The following RGL1 variants were observed in gnomAD, a reference collection of about 807,000 sequenced individuals.
The protein encoded by RGL1 is ral guanine nucleotide dissociation stimulator-like 1.
In RGL1, 24 loss-of-function variants were observed where a neutral mutation model predicts 95.2. That is an observed-to-expected ratio of 0.25 (90% CI 0.18 to 0.35). RGL1 has a LOEUF of 0.35. Among genes scored for constraint, RGL1 ranks in the 10% least tolerant of loss-of-function variants. The pLI is 1.00. For missense variants in RGL1, 715 were observed against 936.3 expected (o/e 0.76, Z 3.08); for synonymous variants, 329 against 344.9 (o/e 0.95, Z 0.51).
At chr1:183,700,624 C>A (rs928429482) in intron 1 of RGL1, among the ~76,000 whole-genome samples, 4 of 151,036 alleles carry the variant, frequency 2.6e-5, no homozygotes, top group African/African-American at 9.8e-5. Flanking sequence ...CGGCTCACTG[C>A]AACCTCTGCC....
At chr1:183,886,753 C>T (rs1254920800) in intron 7 of RGL1, among the ~76,000 whole-genome samples, 1 of 151,644 alleles carries the variant, frequency 6.6e-6, no homozygotes, top group Non-Finnish European at 1.5e-5. Flanking sequence ...GGTTTGCTAC[C>T]AAGATTTATT....
chr1:183,636,179 G>C (rs549361951), exon 1 of RGL1: 2 of 399,824 alleles, frequency 5.0e-6, no homozygotes, highest in East Asian at 7.1e-5. Flanking sequence ...ACCTATCATC[G>C]GGGTCCTGCG....
intron 2 of RGL1, among the ~76,000 whole-genome samples, chr1:183,839,733 G>C (rs6703422): frequency 0.093 from 14,190 of 152,158 alleles, 714 homozygotes; most frequent in African/African-American, 0.12. Flanking sequence ...CCATAATCAG[G>C]TAGTCTCCTG....
chr1:183,871,554 T>C (rs1666185040), intron 4 of RGL1, among the ~76,000 whole-genome samples: 1 of 152,200 alleles, frequency 6.6e-6, no homozygotes, highest in African/African-American at 2.4e-5. Context: ...ATTGTTTGTT[T>C]TCCCGTTTTA....
chr1:183,810,826 C>T (rs552790383), intron 2 of RGL1, among the ~76,000 whole-genome samples: 3 of 152,192 alleles, frequency 2.0e-5, no homozygotes, highest in Admixed American at 6.5e-5. Flanking sequence ...CTCTAATCCC[C>T]CAGCTCTGGA....
intron 4 of RGL1, among the ~76,000 whole-genome samples, chr1:183,878,445 G>C (rs1453632859): frequency 6.6e-6 from 1 of 151,810 alleles, no homozygotes; most frequent in East Asian, 1.9e-4. Context: ...CAATAATCCT[G>C]TCTCAGCCTC....
At chr1:183,877,734 T>G (rs182963363) in intron 4 of RGL1, among the ~76,000 whole-genome samples, 60 of 152,352 alleles carry the variant, frequency 3.9e-4, no homozygotes, top group Non-Finnish European at 5.0e-4. Context: ...TTTCAAAGCC[T>G]TCTTAGGCTA....
intron 2 of RGL1, among the ~76,000 whole-genome samples, chr1:183,820,062 C>T (rs2102454077): frequency 6.6e-6 from 1 of 152,228 alleles, no homozygotes; most frequent in East Asian, 1.9e-4. Context: ...GCTGGGATTA[C>T]AGGCGTGAGC....
intron 1 of RGL1, among the ~76,000 whole-genome samples, chr1:183,674,434 T>C (rs756525426): frequency 6.6e-6 from 1 of 152,202 alleles, no homozygotes; most frequent in Non-Finnish European, 1.5e-5. Context: ...GTGTATCAAA[T>C]AAAACCAGCT....
chr1:183,650,585 T>G (rs1398412093), intron 1 of RGL1, among the ~76,000 whole-genome samples: 2 of 152,102 alleles, frequency 1.3e-5, no homozygotes, highest in Non-Finnish European at 2.9e-5. Flanking sequence ...CTAATTAGTT[T>G]TTTATTATGT....
At chr1:183,919,882 G>A (rs998930472) in intron 16 of RGL1, among the ~76,000 whole-genome samples, 1 of 152,212 alleles carries the variant, frequency 6.6e-6, no homozygotes, top group Admixed American at 6.5e-5. Flanking sequence ...ATTTGAAATG[G>A]GAATACTCCA....
intron 2 of RGL1, among the ~76,000 whole-genome samples, chr1:183,820,130 T>G (rs964368408): frequency 6.6e-6 from 1 of 152,156 alleles, no homozygotes; most frequent in African/African-American, 2.4e-5. Flanking sequence ...AAGAAAATCA[T>G]CTATAATTCT....
chr1:183,810,184 G>T (rs1661612260), intron 2 of RGL1, among the ~76,000 whole-genome samples: 1 of 152,208 alleles, frequency 6.6e-6, no homozygotes, highest in Non-Finnish European at 1.5e-5. Context: ...AACTGTTTGG[G>T]AAGGGCTTTG....
intron 13 of RGL1, 128 bp from the exon 14 acceptor site, chr1:183,906,884 C>A (rs1056612581): frequency 6.1e-6 from 4 of 660,660 alleles, no homozygotes; most frequent in Admixed American, 4.5e-5. Context: ...GATAGGACAA[C>A]GTTTGTATAT....
At chr1:183,848,162 G>A (rs1211141114) in intron 3 of RGL1, among the ~76,000 whole-genome samples, 3 of 152,164 alleles carry the variant, frequency 2.0e-5, no homozygotes, top group South Asian at 4.1e-4. Flanking sequence ...TGTGTGAAGT[G>A]TGGAGCTCAT....
intron 2 of RGL1, among the ~76,000 whole-genome samples, chr1:183,795,979 TGTAGTA>T (rs1374947772): frequency 6.6e-6 from 1 of 152,036 alleles, no homozygotes; most frequent in Non-Finnish European, 1.5e-5. Context: ...TGACCTAACA[TGTAGTA>T]GTAACAGATA....
chr1:183,903,750 A>G (rs1320209169), intron 12 of RGL1, among the ~76,000 whole-genome samples: 1 of 152,224 alleles, frequency 6.6e-6, no homozygotes, highest in Non-Finnish European at 1.5e-5. Flanking sequence ...AGGGCCAGAG[A>G]AACTTCCAGG....
chr1:183,759,106 C>T (rs768940757), intron 2 of RGL1, among the ~76,000 whole-genome samples: 14 of 152,180 alleles, frequency 9.2e-5, no homozygotes, highest in Middle Eastern at 3.4e-3. Flanking sequence ...TGGTTAGTCA[C>T]GTGCAGCCAT....
intron 3 of RGL1, among the ~76,000 whole-genome samples, chr1:183,850,835 G>A (rs914932225): frequency 6.6e-6 from 1 of 152,104 alleles, no homozygotes; most frequent in Non-Finnish European, 1.5e-5. Context: ...TGTTCAAAAC[G>A]TTAAAAAACT....
Sources: gnomAD v4.1 joint callset for allele counts (sites outside exome capture counted in the v4.1 genomes callset) on GRCh38, gnomAD v4.1.1 for gene constraint, MANE v1.5 for transcripts, NCBI Gene and HGNC (gene_info 2026-07-23, HGNC 2026-07-21) for gene names.